Variants in UROS observed in about 807,000 individuals in gnomAD.
UROS encodes the protein uroporphyrinogen III synthase.
Under a neutral mutation model 33.0 loss-of-function variants are expected in UROS, and 18 were observed. The ratio of observed to expected loss-of-function variants is 0.55; its 90% CI spans 0.38 to 0.81. The LOEUF (loss-of-function observed/expected upper bound fraction) is 0.81, where lower values mean the gene tolerates loss of function less well. Among genes scored for constraint, UROS ranks in the 30% least tolerant of loss-of-function variants. The probability of loss-of-function intolerance (pLI) is 0.00; values close to 1 mark genes in which losing one functional copy is unlikely to be tolerated. For missense variants in UROS, 293 were observed against 314.9 expected, an observed-to-expected ratio of 0.93 and a Z score of 0.53; for synonymous variants, 114 against 121.1, an observed-to-expected ratio of 0.94 and a Z score of 0.38.
rs1851227056 is a variant in UROS, at chr10:125,794,869, G to A, written c.660+11C>T. The A allele has an allele frequency of 1.3e-6, 2 of 1,592,600 alleles. No homozygotes were observed. Among genetic ancestry groups the A allele is most frequent in the South Asian group, 1.1e-5 (1 of 90,526 alleles). On this transcript the variant is annotated intron_variant, in intron 9 of 9. Coordinates refer to ENST00000368797, the MANE Select transcript of UROS (RefSeq NM_000375.3). ...ATCTGAAAAAGACCAAAAGCTCATT[G>A]AATAACTTACCTTAATTTGATCGAT...
chr10:125,805,150 G>A (rs542094847), intron 6 of UROS, among the ~76,000 whole-genome samples: 40 of 152,356 alleles, frequency 2.6e-4, no homozygotes, highest in African/African-American at 8.7e-4. Flanking sequence ...CCAAGTGGCC[G>A]AAACACTCTG....
intron 6 of UROS, among the ~76,000 whole-genome samples, chr10:125,800,245 A>C (rs1160940134): frequency 6.6e-6 from 1 of 152,230 alleles, no homozygotes; most frequent in Non-Finnish European, 1.5e-5. Flanking sequence ...AGTCTGAAAG[A>C]CCAGATTGCT....
At chr10:125,803,158 T>G in intron 6 of UROS, 19 of 1,248,606 alleles carry the variant, frequency 1.5e-5, no homozygotes, top group Non-Finnish European at 2.1e-5. Context: ...CTATTAGCTC[T>G]GTTCCTTATG....
intron 3 of UROS, 31 bp downstream of exon 3, chr10:125,816,146 T>C: frequency 1.3e-6 from 2 of 1,595,244 alleles, no homozygotes; most frequent in Non-Finnish European, 1.7e-6. Context: ...AATCAAACAC[T>C]AACATGGTGC....
rs1850704493 is a variant in UROS, at chr10:125,788,662, T to C, written c.*206A>G. 5 of 1,426,684 alleles carry C rather than the reference T, an allele frequency of 3.5e-6. No individual in the cohort carries two copies. The highest frequency in any genetic ancestry group is 4.6e-6 in the Non-Finnish European group (5 of 1,094,540). The allele number at this position is 1,426,684 out of a possible 1,614,324, so 88.4% of individuals were successfully genotyped here. The stretch of plus-strand genomic sequence containing the variant: ...GCTCTCACAGGGCTAGGGTTTAAGC[T>C]GGCTTCCACAGAGGGCAGTCACGTG... On this transcript the variant is annotated 3_prime_UTR_variant, in exon 10 of 10. Transcript: ENST00000368797.
At chr10:125,818,528 A>G (rs2133962723) in intron 1 of UROS, among the ~76,000 whole-genome samples, 2 of 152,058 alleles carry the variant, frequency 1.3e-5, no homozygotes, top group Admixed American at 1.3e-4. Context: ...TAAAATTAAA[A>G]GGTTCTGTTG....
At chr10:125,822,319 A>ATTTTT (rs544901269) in intron 1 of UROS, among the ~76,000 whole-genome samples, 1 of 142,446 alleles carries the variant, frequency 7.0e-6, no homozygotes, top group African/African-American at 2.6e-5. Flanking sequence ...GCCCCGAAGC[A>ATTTTT]TTTTTTTTTT....
At chr10:125,793,337 C>T (rs573767096) in intron 9 of UROS, 1 of 16,566 alleles carries the variant, frequency 6.0e-5, no homozygotes, top group African/African-American at 3.3e-4. Flanking sequence ...CATTGTGTGA[C>T]TTGGGGGTGG....
At chr10:125,802,234 G>C (rs1383910079) in intron 6 of UROS, 1 of 985,398 alleles carries the variant, frequency 1.0e-6, no homozygotes, top group African/African-American at 1.7e-5. Context: ...ACTGATGTGT[G>C]GCTCCATGAC....
At chr10:125,818,678 C>A (rs1853581093) in intron 1 of UROS, among the ~76,000 whole-genome samples, 1 of 152,050 alleles carries the variant, frequency 6.6e-6, no homozygotes, top group Admixed American at 6.6e-5. Flanking sequence ...AGGGTGTTTG[C>A]ACAGGAGGGC....
In UROS at chr10:125,788,925, C is replaced by G. The variant is rs186098206; in HGVS notation, c.741G>C (p.Thr247=). The G allele has an allele frequency of 6.2e-7, 1 of 1,608,868 alleles. No homozygotes were observed. The highest frequency in any genetic ancestry group is 1.7e-5 in the Admixed American group (1 of 59,240). Residue 247 remains threonine, a synonymous_variant, in exon 10 of 10, where the codon ACG becomes ACC. Coordinates refer to ENST00000368797, the MANE Select transcript of UROS (RefSeq NM_000375.3). ...LPVSCTAESP[T]PQALATGIRK... is the part of the protein sequence containing the mutation. ...TGATGCCAGTGGCCAGGGCTTGTGG[C>G]GTGGGGCTCTCTGCAGTGCAGCTTA...
chr10:125,786,723 A>G (rs773725914), downstream of UROS, among the ~76,000 whole-genome samples: 6 of 152,142 alleles, frequency 3.9e-5, no homozygotes, highest in Non-Finnish European at 8.8e-5. Context: ...GATTAACATA[A>G]TTATTGCCCT....
At chr10:125,820,190 T>C (rs1199187471) in intron 1 of UROS, among the ~76,000 whole-genome samples, 1 of 152,172 alleles carries the variant, frequency 6.6e-6, no homozygotes, top group Non-Finnish European at 1.5e-5. Flanking sequence ...GGATTTGTTA[T>C]AAGGTATTAG....
intron 6 of UROS, among the ~76,000 whole-genome samples, chr10:125,803,302 C>T (rs974424112): frequency 6.6e-6 from 1 of 152,174 alleles, no homozygotes; most frequent in African/African-American, 2.4e-5. Context: ...GTATGTCAGA[C>T]TCATAACGGG....
chr10:125,808,517 G>C (rs1852529072), intron 5 of UROS, among the ~76,000 whole-genome samples: 1 of 152,200 alleles, frequency 6.6e-6, no homozygotes, highest in African/African-American at 2.4e-5. Flanking sequence ...AAAAAAACCT[G>C]TAAAAATCCC....
intron 6 of UROS, among the ~76,000 whole-genome samples, chr10:125,804,353 G>C (rs1308850719): frequency 6.6e-6 from 1 of 152,158 alleles, no homozygotes; most frequent in East Asian, 1.9e-4. Flanking sequence ...CAACTCCATG[G>C]GGGAAGAAGC....
At chr10:125,797,443 G>A (rs1851457968) in intron 7 of UROS, among the ~76,000 whole-genome samples, 1 of 152,170 alleles carries the variant, frequency 6.6e-6, no homozygotes, top group Non-Finnish European at 1.5e-5. Flanking sequence ...ACAGCAAGAG[G>A]GAGAATTCAA....
chr10:125,814,489 A>C lies in UROS; in HGVS notation c.244+545T>G, dbSNP rs1486416030. Among the ~76,000 whole-genome samples the C allele has an allele frequency of 2.0e-5, 3 of 152,220 alleles. 1 individual carries two copies. Among genetic ancestry groups the C allele is most frequent in the Non-Finnish European group, 4.4e-5 (3 of 68,032 alleles). On this transcript the variant is annotated intron_variant, in intron 4 of 9. Transcript: ENST00000368797. ...GGGTTAAGTGGGGTAATGAACGTGA[A>C]GTATTCATTACACAGGGTCTGACAT...
intron 7 of UROS, among the ~76,000 whole-genome samples, chr10:125,797,820 GGA>G (rs1375765819): frequency 5.3e-5 from 8 of 152,214 alleles, no homozygotes; most frequent in African/African-American, 1.9e-4. Flanking sequence ...GTGAAGGACT[GGA>G]GACACACTGT....
Sources: allele counts gnomAD v4.1 joint callset (sites outside exome capture counted in the v4.1 genomes callset), GRCh38; gene constraint gnomAD v4.1.1; transcripts MANE v1.5; gene names NCBI Gene and HGNC (gene_info 2026-07-23, HGNC 2026-07-21).